Variants in CYB5RL observed in about 807,000 individuals in gnomAD.
The protein encoded by CYB5RL is cytochrome b5 reductase like, also known as NADH-cytochrome b5 reductase-like.
CYB5RL carries 38 observed loss-of-function variants against 37.5 expected under a neutral mutation model. That is an observed-to-expected ratio of 1.01 (90% CI 0.78 to 1.33). The LOEUF is 1.33. CYB5RL is among the 40% of genes most tolerant of loss of function. The pLI is 0.00. For missense variants in CYB5RL, 388 were observed against 394.4 expected, an observed-to-expected ratio of 0.98 and a Z score of 0.14; for synonymous variants, 141 against 151.9, an observed-to-expected ratio of 0.93 and a Z score of 0.53.
chr1:54,196,730 C>T (rs1486795373), intron 1 of CYB5RL, among the ~76,000 whole-genome samples: 1 of 152,152 alleles, frequency 6.6e-6, no homozygotes, highest in Non-Finnish European at 1.5e-5. Flanking sequence ...TACAGTTCAG[C>T]TTTGCCCAGA....
At chr1:54,190,436 C>A in intron 4 of CYB5RL, 1 of 559,842 alleles carries the variant, frequency 1.8e-6, no homozygotes, top group East Asian at 3.0e-5. Flanking sequence ...ACCTCTCTTA[C>A]TTCAATTTCC....
chr1:54,178,197 G>A (rs765084714), intron 7 of CYB5RL, among the ~76,000 whole-genome samples: 6 of 152,166 alleles, frequency 3.9e-5, no homozygotes, highest in Non-Finnish European at 4.4e-5. Context: ...ATTGGGACGG[G>A]AAATCCAATT....
At position 54,174,775 on chromosome 1, in the gene CYB5RL, G is replaced by T; in HGVS notation, c.792C>A (p.His264Gln). The T allele has an allele frequency of 6.2e-7, 1 of 1,614,012 alleles. No individual in the cohort carries two copies. The highest frequency in any genetic ancestry group is 8.5e-7 in the Non-Finnish European group (1 of 1,179,900). ...TTAGGTCCTGGCCCAGGTGGCCAAA[G>T]TGGGTTTTCTCTTGGTAACTCCAGG... ...QLPWSYQEKT[H>Q]FGHLGQDLIK... Residue 264 changes from histidine (H) to glutamine (Q), a missense_variant, in exon 8 of 8, where the codon CAC (histidine) becomes CAA (glutamine). Physicochemically the swap from His to Gln is conservative, Grantham distance 24. Coordinates refer to ENST00000534324, the MANE Select transcript of CYB5RL (RefSeq NM_001031672.4).
chr1:54,184,164 G>T lies in CYB5RL; in HGVS notation c.537C>A (p.Asn179Lys). The part of the protein sequence containing the change: ...GPFGDFFYKP[N>K]QYGELLLLAA... ...GATTTAAGGTGCTGGCACTGACCTG[G>T]TTTGGTTTATAGAAGAAATCTCCGA... The change falls in exon 6 of 8, where the codon AAC (asparagine) becomes AAA (lysine). Residue 179 changes from asparagine (N) to lysine (K), a missense_variant. Transcript: ENST00000534324. The T allele has an allele frequency of 6.2e-7, 1 of 1,612,818 alleles. No homozygotes were observed. The highest frequency in any genetic ancestry group is 1.1e-5 in the South Asian group (1 of 90,676).
chr1:54,181,349 G>A (rs548555201), intron 6 of CYB5RL, among the ~76,000 whole-genome samples: 1 of 152,356 alleles, frequency 6.6e-6, no homozygotes, highest in East Asian at 1.9e-4. Flanking sequence ...TGAGCTTCTG[G>A]AGAACAGGGG....
intron 7 of CYB5RL, among the ~76,000 whole-genome samples, chr1:54,178,838 G>A (rs1660084114): frequency 6.6e-6 from 1 of 152,224 alleles, no homozygotes; most frequent in Non-Finnish European, 1.5e-5. Flanking sequence ...GATGCCAGAG[G>A]GCGATGGGAG....
chr1:54,177,238 T>C (rs1660043444), intron 7 of CYB5RL, among the ~76,000 whole-genome samples: 1 of 151,974 alleles, frequency 6.6e-6, no homozygotes, highest in South Asian at 2.1e-4. Context: ...GGGAGACTCT[T>C]GAGGATGCTG....
chr1:54,174,547 G>A lies in CYB5RL; in HGVS notation c.*72C>T. ...ACCAGGCCTGGACTCCGTGTCTTCTGATTCCAGTCTGTGCTCCTTCCTGGG... is the reference window on the plus strand; with the variant it reads ...ACCAGGCCTGGACTCCGTGTCTTCTAATTCCAGTCTGTGCTCCTTCCTGGG... On this transcript the variant is annotated 3_prime_UTR_variant, in exon 8 of 8. Coordinates refer to ENST00000534324, the MANE Select transcript of CYB5RL (RefSeq NM_001031672.4). 6.5e-7 allele frequency: 1 copy of A among 1,528,364 alleles called. No homozygotes were observed. The highest frequency in any genetic ancestry group is 8.9e-7 in the Non-Finnish European group (1 of 1,127,432). 94.7% of individuals were successfully genotyped at this position (1,528,364 alleles called of 1,614,324 possible). A position where few individuals can be genotyped will look rare whatever the true frequency, so the allele number is the denominator to read the frequency against.
At chr1:54,194,029 G>A (rs35484644) in intron 3 of CYB5RL, among the ~76,000 whole-genome samples, 14 of 144,316 alleles carry the variant, frequency 9.7e-5, no homozygotes, top group South Asian at 4.4e-4. Flanking sequence ...TAATAATAAT[G>A]ATAATAATAA....
intron 7 of CYB5RL, 80 bp downstream of exon 7, chr1:54,179,069 G>A: frequency 1.3e-6 from 2 of 1,499,108 alleles, no homozygotes; most frequent in Admixed American, 3.9e-5. Context: ...TGCCAAAAGA[G>A]GCTAGAGCTG....
chr1:54,180,536 G>A (rs142372874), intron 6 of CYB5RL, among the ~76,000 whole-genome samples: 1,826 of 150,950 alleles, frequency 0.012, 33 homozygotes, highest in African/African-American at 0.042. Flanking sequence ...CCTGGGAGGC[G>A]GAGCTTGCAG....
In CYB5RL at chr1:54,171,080, A is replaced by G. The variant is rs187517785; in HGVS notation, c.*3539T>C. 2.2e-6 allele frequency: 1 copy of G among 453,596 alleles called. No homozygotes were observed. The highest frequency in any genetic ancestry group is 7.0e-5 in the East Asian group (1 of 14,328). The allele number at this position is 453,596 out of a possible 1,614,324, so 28.1% of individuals were successfully genotyped here. On this transcript the variant is annotated 3_prime_UTR_variant, in exon 8 of 8. Coordinates refer to ENST00000534324, the MANE Select transcript of CYB5RL (RefSeq NM_001031672.4). The stretch of plus-strand genomic sequence containing the variant: ...GGGTACAGCGACAGAAAAGCACACA[A>G]GCCTCTCTGCTCACTGACCAAGCTG...
rs376254778 is a variant in CYB5RL, at chr1:54,190,883, T to G, written c.212A>C (p.Lys71Thr). Residue 71 changes from lysine (K) to threonine (T), a missense_variant, in exon 4 of 8, where the codon AAG becomes ACG. Transcript: ENST00000534324. Reference protein sequence around the residue: ...RGPESQSCPSKLNPETFVAFC... With the variant: ...RGPESQSCPSTLNPETFVAFC... ...GGCCACGAAGGTCTCTGGGTTCAGC[T>G]TGGAGGGGCAGCTCTGCAACAGGAA... 1 of 1,611,890 alleles carries G rather than the reference T, an allele frequency of 6.2e-7. No individual in the cohort carries two copies.
intron 3 of CYB5RL, among the ~76,000 whole-genome samples, chr1:54,194,029 G>GATA (rs35993013): frequency 0.03 from 4,303 of 144,252 alleles, 97 homozygotes; most frequent in African/African-American, 0.058. Flanking sequence ...TAATAATAAT[G>GATA]ATAATAATAA....
rs1659979224 is a variant in CYB5RL at position 54,174,806 on chromosome 1, T to A, written c.761A>T (p.Gln254Leu). Residue 254 changes from glutamine to leucine, a missense_variant, in exon 8 of 8, where the codon CAG (glutamine) becomes CTG (leucine). Physicochemically the swap from Gln to Leu is moderately radical, Grantham distance 113. Coordinates refer to ENST00000534324, the MANE Select transcript of CYB5RL (RefSeq NM_001031672.4). ...TTTCTCTTGGTAACTCCAGGGAAGC[T>A]GCTCTGAGGAGCTCTCCTGGGAAGA... ...FVLSQESSSE[Q>L]LPWSYQEKTH... is the part of the protein sequence containing the mutation. The A allele has an allele frequency of 6.2e-7, 1 of 1,613,356 alleles. No homozygotes were observed. The highest frequency in any genetic ancestry group is 1.7e-5 in the Admixed American group (1 of 59,994).
chr1:54,194,598 C>T (rs1643988977), intron 3 of CYB5RL, among the ~76,000 whole-genome samples: 2 of 151,808 alleles, frequency 1.3e-5, no homozygotes, highest in Non-Finnish European at 2.9e-5. Flanking sequence ...CACTTGAGAC[C>T]AAGAGTTCGA....
At position 54,180,306 on chromosome 1, in the gene CYB5RL, C is replaced by T. The variant is rs1660127607; in HGVS notation, c.541-954G>A. ...TTCCATCAACTCCTCCTCACTGAAT[C>T]TATTTCCAGGCTCTAGGCCTCTTAA... On this transcript the variant is annotated intron_variant, in intron 6 of 7. Transcript: ENST00000534324. 1.6e-5 allele frequency: 6 copies of T among 377,028 alleles called. 1 individual carries two copies. The highest frequency in any genetic ancestry group is 1.2e-4 in the South Asian group (6 of 48,438). 23.4% of individuals were successfully genotyped at this position (377,028 alleles called of 1,614,324 possible).
intron 2 of CYB5RL, among the ~76,000 whole-genome samples, chr1:54,196,004 C>T (rs1333621331): frequency 6.6e-6 from 1 of 152,118 alleles, no homozygotes; most frequent in Non-Finnish European, 1.5e-5. Flanking sequence ...GGGTGGGACC[C>T]CCTTGAGCAC....
At chr1:54,181,765 A>G (rs1557720213) in intron 6 of CYB5RL, among the ~76,000 whole-genome samples, 1 of 152,228 alleles carries the variant, frequency 6.6e-6, no homozygotes, top group Non-Finnish European at 1.5e-5. Context: ...CAGCCTGGGC[A>G]ACATGGTGAA....
Sources: gnomAD v4.1 joint callset for allele counts (sites outside exome capture counted in the v4.1 genomes callset) on GRCh38, gnomAD v4.1.1 for gene constraint, MANE v1.5 for transcripts, NCBI Gene and HGNC (gene_info 2026-07-23, HGNC 2026-07-21) for gene names.